Variants in CFAP206 observed in about 807,000 individuals in gnomAD.
The protein encoded by CFAP206 is cilia and flagella associated protein 206, also known as cilia- and flagella-associated protein 206.
In CFAP206, 53 loss-of-function variants were observed where a neutral mutation model predicts 65.4. The ratio of observed to expected loss-of-function variants is 0.81; its 90% CI spans 0.65 to 1.02. CFAP206 has a LOEUF of 1.02. CFAP206 is among the 50% of genes least tolerant of loss of function. The probability of loss-of-function intolerance (pLI) is 0.00; values close to 1 mark genes in which losing one functional copy is unlikely to be tolerated. For synonymous variants in CFAP206, 250 were observed against 254.4 expected (o/e 0.98, Z 0.17); for missense variants, 663 against 753.2 (o/e 0.88, Z 1.40).
chr6:87,417,152 TTTAG>T (rs1325558680), intron 6 of CFAP206, among the ~76,000 whole-genome samples: 1 of 152,188 alleles, frequency 6.6e-6, no homozygotes, highest in African/African-American at 2.4e-5. Context: ...GGGAGTACAA[TTTAG>T]TTATTTAAAA....
intron 3 of CFAP206, among the ~76,000 whole-genome samples, chr6:87,412,161 A>G (rs1383591516): frequency 2.0e-5 from 3 of 152,242 alleles, no homozygotes; most frequent in South Asian, 2.1e-4. Context: ...AACTAACAAC[A>G]TATGTTATAT....
At chr6:87,423,201 G>A (rs1562245394) in intron 7 of CFAP206, among the ~76,000 whole-genome samples, 3 of 151,662 alleles carry the variant, frequency 2.0e-5, no homozygotes, top group Admixed American at 2.0e-4. Context: ...TTACAGGCGT[G>A]AGCCACTGCG....
At chr6:87,431,828 A>C (rs1332100624) in intron 10 of CFAP206, among the ~76,000 whole-genome samples, 2 of 152,202 alleles carry the variant, frequency 1.3e-5, no homozygotes, top group African/African-American at 4.8e-5. Context: ...TAATTACTGA[A>C]AGAGCAACAC....
At chr6:87,433,785 G>A (rs1158762134) in intron 10 of CFAP206, among the ~76,000 whole-genome samples, 2 of 152,078 alleles carry the variant, frequency 1.3e-5, no homozygotes, top group Non-Finnish European at 2.9e-5. Flanking sequence ...CAAAATAAAA[G>A]CATAACTGAT....
intron 11 of CFAP206, chr6:87,442,207 T>A (rs1414791798): frequency 6.5e-6 from 1 of 153,390 alleles, no homozygotes; most frequent in Non-Finnish European, 1.5e-5. Context: ...AATACCTTTT[T>A]CTTTTTCTGC....
chr6:87,418,348 C>T lies in CFAP206; in HGVS notation c.772C>T (p.Gln258Ter), dbSNP rs1053833940. 6.2e-7 allele frequency: 1 copy of T among 1,614,142 alleles called. No homozygotes were observed. Among genetic ancestry groups the T allele is most frequent in the Admixed American group, 1.7e-5 (1 of 60,024 alleles). The change falls in exon 7 of 13, where the codon CAG becomes TAG. Residue 258 changes from glutamine to a stop codon, truncating the protein, a stop_gained. Transcript: ENST00000369562. LOFTEE classifies it high-confidence loss of function. ...CGACCCACTCATGAGGGCTGAACTT[C>T]AGCCATATATGTTAAAAGAAGCGCT... is the stretch of plus-strand genomic sequence containing the variant. ...ANDPLMRAEL[Q>*]PYMLKEALYN...
At chr6:87,438,959 C>T (rs1768322815) in intron 11 of CFAP206, among the ~76,000 whole-genome samples, 1 of 152,136 alleles carries the variant, frequency 6.6e-6, no homozygotes, top group Non-Finnish European at 1.5e-5. Flanking sequence ...TTGCATTGGT[C>T]TATTTATCAT....
intron 11 of CFAP206, among the ~76,000 whole-genome samples, chr6:87,456,498 A>G (rs1768644904): frequency 6.6e-6 from 1 of 152,210 alleles, no homozygotes; most frequent in Admixed American, 6.5e-5. Flanking sequence ...GTTATTTAAC[A>G]TAGTACTGGA....
intron 3 of CFAP206, 38 bp from the exon 4 acceptor site, chr6:87,413,772 A>G (rs1232052696): frequency 8.9e-6 from 11 of 1,232,334 alleles, no homozygotes; most frequent in Non-Finnish European, 1.3e-5. Context: ...TGTCTCAAAA[A>G]CTATAACTAG....
intron 5 of CFAP206, 40 bp downstream of exon 5, chr6:87,415,914 A>G (rs1183837555): frequency 7.4e-7 from 1 of 1,350,156 alleles, no homozygotes; most frequent in South Asian, 1.9e-5. Context: ...AAGTGAAAAT[A>G]TATGGTCATT....
At position 87,464,262 on chromosome 6, in the gene CFAP206, G is replaced by GT. The variant is rs772376611; in HGVS notation, c.*16dup. ...TGGATGAAACCTAATTACAGACAAC[G>GT]TTTTAAAATAGATGCTACTCAATTA... is the stretch of plus-strand genomic sequence containing the variant. On this transcript the variant is annotated 3_prime_UTR_variant, in exon 13 of 13. Transcript: ENST00000369562. 6.3e-7 allele frequency: 1 copy of GT among 1,596,460 alleles called. No homozygotes were observed. The highest frequency in any genetic ancestry group is 1.1e-5 in the South Asian group (1 of 90,072).
At chr6:87,424,127 G>A in intron 7 of CFAP206, among the ~76,000 whole-genome samples, 1 of 151,944 alleles carries the variant, frequency 6.6e-6, no homozygotes. Context: ...AGATGGTTTG[G>A]GATCCACCAA....
intron 12 of CFAP206, among the ~76,000 whole-genome samples, chr6:87,462,876 G>A (rs1446021746): frequency 6.6e-6 from 1 of 152,190 alleles, no homozygotes; most frequent in African/African-American, 2.4e-5. Flanking sequence ...TACCTAACCT[G>A]TGGATAAGAC....
intron 9 of CFAP206, among the ~76,000 whole-genome samples, chr6:87,429,054 C>T (rs920580601): frequency 1.3e-5 from 2 of 152,012 alleles, no homozygotes; most frequent in East Asian, 1.9e-4. Flanking sequence ...GGCAAAACTC[C>T]GTCTCTACTA....
chr6:87,460,924 T>G (rs911139377), intron 11 of CFAP206, 98 bp from the exon 12 acceptor site: 1 of 1,048,136 alleles, frequency 9.5e-7, no homozygotes, highest in African/African-American at 1.7e-5. Flanking sequence ...AAAATTATTG[T>G]TTTTTAAGTG....
Position 87,415,865 on chromosome 6 carries a change from G to A in CFAP206, c.463G>A (p.Glu155Lys). The change falls in exon 5 of 13, where the codon GAG becomes AAG. Residue 155 changes from glutamate (E) to lysine (K), a missense_variant. Glu to Lys is a moderately conservative substitution (Grantham distance 56, BLOSUM62 1). Coordinates refer to ENST00000369562, the MANE Select transcript of CFAP206 (RefSeq NM_001031743.3). ...CCCTACAGACATCAAGACTGTCAGA[G>A]AGGTAACAGGTAAAAAGTATAACCA... ...GSPTDIKTVREVTAALQSVFP... is the reference protein window; with the variant it reads ...GSPTDIKTVRKVTAALQSVFP... The A allele has an allele frequency of 6.5e-7, 1 of 1,545,738 alleles. No individual in the cohort carries two copies. The highest frequency in any genetic ancestry group is 1.3e-5 in the South Asian group (1 of 77,416).
In CFAP206 at chr6:87,415,726, A is replaced by G; in HGVS notation, c.324A>G (p.Arg108=). 1 of 1,612,468 alleles carries G rather than the reference A, an allele frequency of 6.2e-7. No homozygotes were observed. The highest frequency in any genetic ancestry group is 1.1e-5 in the South Asian group (1 of 90,634). The change falls in exon 5 of 13, where the codon AGA becomes AGG. Residue 108 remains arginine (R), a synonymous_variant. Coordinates refer to ENST00000369562, the MANE Select transcript of CFAP206 (RefSeq NM_001031743.3). ...LEEHHRVLES[R]LGSVTREITD... ...AACATCACCGGGTCCTAGAGTCTAG[A>G]TTAGGCTCTGTTACCCGAGAAATTA...
Position 87,464,059 on chromosome 6 carries a change from G to A in CFAP206, c.1678G>A (p.Asp560Asn), listed in dbSNP as rs146287743. ...GAAAGTTACTCACTCAGTACAAACT[G>A]ATCTTAGTCACTTGAGAAGAGAAAA... ...RQKVTHSVQT[D>N]LSHLRRENCS... is the part of the protein sequence containing the mutation. Residue 560 changes from aspartate (D) to asparagine (N), a missense_variant, in exon 13 of 13, where the codon GAT becomes AAT. Physicochemically the swap from Asp to Asn is conservative, Grantham distance 23. Coordinates refer to ENST00000369562, the MANE Select transcript of CFAP206 (RefSeq NM_001031743.3). 5.0e-6 allele frequency: 8 copies of A among 1,613,948 alleles called. No individual in the cohort carries two copies. The highest frequency in any genetic ancestry group is 1.7e-5 in the Admixed American group (1 of 60,000).
At chr6:87,421,491 GA>G (rs72454655) in intron 7 of CFAP206, among the ~76,000 whole-genome samples, 7 of 148,034 alleles carry the variant, frequency 4.7e-5, no homozygotes, top group African/African-American at 1.2e-4. Context: ...GTCTCAAAAA[GA>G]AAAAAAAAAT....
Sources: allele counts gnomAD v4.1 joint callset (sites outside exome capture counted in the v4.1 genomes callset), GRCh38; gene constraint gnomAD v4.1.1; transcripts MANE v1.5; gene names NCBI Gene and HGNC (gene_info 2026-07-23, HGNC 2026-07-21).